PCDHA4: variants seen among roughly 807,000 people sequenced by gnomAD.
PCDHA4 encodes the protein protocadherin alpha 4, also known as protocadherin alpha-4.
In PCDHA4, 49 loss-of-function variants were observed where a neutral mutation model predicts 61.4. The ratio of observed to expected loss-of-function variants is 0.80; its 90% CI spans 0.63 to 1.01. The LOEUF (loss-of-function observed/expected upper bound fraction) is 1.01, where lower values mean the gene tolerates loss of function less well. Among genes scored for constraint, PCDHA4 ranks in the 50% least tolerant of loss-of-function variants. The probability of loss-of-function intolerance (pLI) is 0.00; values close to 1 mark genes in which losing one functional copy is unlikely to be tolerated. For missense variants in PCDHA4, 1,254 were observed against 1,235.8 expected (o/e 1.01, Z -0.22); for synonymous variants, 590 against 550.3 (o/e 1.07, Z -1.01).
At chr5:140,827,376 A>G (rs1769268337) in intron 1 of PCDHA4, among the ~76,000 whole-genome samples, 2 of 152,246 alleles carry the variant, frequency 1.3e-5, no homozygotes, top group African/African-American at 4.8e-5. Context: ...GAATCCTAAT[A>G]TAAGCTGCAG....
intron 1 of PCDHA4, among the ~76,000 whole-genome samples, chr5:140,947,079 C>T (rs2094082344): frequency 6.6e-6 from 1 of 151,398 alleles, no homozygotes; most frequent in Non-Finnish European, 1.5e-5. Context: ...TGTATTGAAA[C>T]ATCAGACTGT....
At chr5:140,814,148 T>G (rs1765442491) in intron 1 of PCDHA4, 2 of 153,200 alleles carry the variant, frequency 1.3e-5, no homozygotes, top group South Asian at 4.1e-4. Flanking sequence ...AAATATTTTC[T>G]CTTTATATCC....
At chr5:140,953,959 C>T (rs2094958753) in intron 1 of PCDHA4, among the ~76,000 whole-genome samples, 1 of 152,044 alleles carries the variant, frequency 6.6e-6, no homozygotes, top group South Asian at 2.1e-4. Flanking sequence ...CAACAGGCCC[C>T]AGTGTGTGTT....
intron 1 of PCDHA4, among the ~76,000 whole-genome samples, chr5:140,896,597 G>A (rs577303751): frequency 1.3e-5 from 2 of 151,484 alleles, no homozygotes; most frequent in African/African-American, 4.8e-5. Flanking sequence ...GGCTGGTCTC[G>A]AACTCCTGGT....
At chr5:140,847,557 T>A (rs1457582246) in intron 1 of PCDHA4, 2 of 149,266 alleles carry the variant, frequency 1.3e-5, no homozygotes, top group Non-Finnish European at 3.0e-5. Context: ...AAAACAGAAA[T>A]TGCCCCGAGT....
intron 1 of PCDHA4, among the ~76,000 whole-genome samples, chr5:140,897,778 T>C (rs1402383058): frequency 2.0e-5 from 3 of 152,208 alleles, no homozygotes; most frequent in Non-Finnish European, 2.9e-5. Context: ...ACTTCCACAA[T>C]GGTTGAACTA....
chr5:140,936,337 C>G (rs1226552278), intron 1 of PCDHA4, among the ~76,000 whole-genome samples: 17 of 152,160 alleles, frequency 1.1e-4, no homozygotes, highest in Non-Finnish European at 1.5e-5. Context: ...TTTTCTCTAT[C>G]TGCATATATG....
intron 1 of PCDHA4, among the ~76,000 whole-genome samples, chr5:140,838,389 G>A (rs1775711705): frequency 6.6e-6 from 1 of 150,780 alleles, no homozygotes; most frequent in Non-Finnish European, 1.5e-5. Flanking sequence ...CTCCCAATGT[G>A]CTGGGATTAC....
intron 1 of PCDHA4, chr5:140,830,292 C>T (rs2150184584): frequency 1.2e-6 from 2 of 1,613,712 alleles, no homozygotes; most frequent in Non-Finnish European, 1.7e-6. Flanking sequence ...GCGTGCACGG[C>T]GGACAAGCCC....
rs1270383213 is a variant in PCDHA4 at position 140,835,905 on chromosome 5, G to A, written c.2385+26333G>A. 4 of 1,612,188 alleles carry A rather than the reference G, an allele frequency of 2.5e-6. No homozygotes were observed. In the East Asian group the frequency reaches 8.9e-5, roughly 36 times the overall value. ...GGGCGAGCGCGCGCTGTCGAGCTAC[G>A]TGTCAGTGCACGCGGAGAGCGGCAA... On this transcript the variant is annotated intron_variant, in intron 1 of 3. Transcript: ENST00000530339.
At chr5:140,979,102 C>G in intron 2 of PCDHA4, 95 bp downstream of exon 2, 1 of 1,541,802 alleles carries the variant, frequency 6.5e-7, no homozygotes. Context: ...GCTGTCAAAA[C>G]TAAAAAGCTT....
chr5:140,881,463 T>C, intron 1 of PCDHA4: 1 of 599,796 alleles, frequency 1.7e-6, no homozygotes, highest in Non-Finnish European at 2.1e-6. Flanking sequence ...CCTTAGAGCA[T>C]TGTTGTGGCT....
intron 1 of PCDHA4, chr5:140,862,748 C>A: frequency 3.5e-6 from 2 of 577,558 alleles, no homozygotes; most frequent in East Asian, 9.5e-5. Context: ...TGGGTGCACG[C>A]GGAGAGCGGC....
chr5:140,974,255 C>T (rs1049283311), intron 1 of PCDHA4, among the ~76,000 whole-genome samples: 1 of 152,186 alleles, frequency 6.6e-6, no homozygotes, highest in African/African-American at 2.4e-5. Flanking sequence ...CCATCAGTTC[C>T]TTTCTGGCCT....
intron 1 of PCDHA4, among the ~76,000 whole-genome samples, chr5:140,839,743 T>C (rs2150300619): frequency 0.58 from 88,357 of 151,822 alleles, 26,802 homozygotes; most frequent in African/African-American, 0.73. Flanking sequence ...TACCCTTATT[T>C]GCCTTTCCTA....
rs955217729 is a variant in PCDHA4 at position 140,843,931 on chromosome 5, A to T, written c.2385+34359A>T. The T allele has an allele frequency of 6.9e-6, 4 of 582,802 alleles. 1 individual carries two copies. Among genetic ancestry groups the T allele is most frequent in the Non-Finnish European group, 1.2e-5 (4 of 332,650 alleles). The allele number at this position is 582,802 out of a possible 1,614,324, so 36.1% of individuals were successfully genotyped here. Reference sequence around the variant, plus strand: ...TTGGGTCTATCTTGAAACTCAAGTTATGGTTGGATGATATCCATTTTTTAC... The same window carrying T: ...TTGGGTCTATCTTGAAACTCAAGTTTTGGTTGGATGATATCCATTTTTTAC... On this transcript the variant is annotated intron_variant, in intron 1 of 3. Coordinates refer to ENST00000530339, the MANE Select transcript of PCDHA4 (RefSeq NM_018907.4).
At chr5:140,901,828 A>G (rs538492227) in intron 1 of PCDHA4, among the ~76,000 whole-genome samples, 1 of 152,318 alleles carries the variant, frequency 6.6e-6, no homozygotes, top group African/African-American at 2.4e-5. Flanking sequence ...CTTCCAGTCC[A>G]TAAACATGCA....
At chr5:140,957,893 C>T (rs1554223179) in intron 1 of PCDHA4, among the ~76,000 whole-genome samples, 1 of 151,938 alleles carries the variant, frequency 6.6e-6, no homozygotes, top group Non-Finnish European at 1.5e-5. Flanking sequence ...AAGTTGGCAT[C>T]AACCAAGGCA....
At chr5:140,923,045 T>C (rs1554201134) in intron 1 of PCDHA4, among the ~76,000 whole-genome samples, 1 of 152,226 alleles carries the variant, frequency 6.6e-6, no homozygotes, top group Non-Finnish European at 1.5e-5. Context: ...ATGTATAGTA[T>C]TTAGAATAAA....
Sources: allele counts gnomAD v4.1 joint callset (sites outside exome capture counted in the v4.1 genomes callset), GRCh38; gene constraint gnomAD v4.1.1; transcripts MANE v1.5; gene names NCBI Gene and HGNC (gene_info 2026-07-23, HGNC 2026-07-21).